The following CADPS variants were observed in gnomAD, a reference collection of about 807,000 sequenced individuals.
CADPS encodes calcium dependent secretion activator, also known as calcium-dependent secretion activator 1.
Under a neutral mutation model 167.3 loss-of-function variants are expected in CADPS, and 57 were observed. The ratio of observed to expected loss-of-function variants is 0.34; its 90% CI spans 0.28 to 0.42. The LOEUF (loss-of-function observed/expected upper bound fraction) is 0.42. Ranked by LOEUF, CADPS falls within the 20% of genes least tolerant of loss-of-function variation. CADPS has a pLI of 1.00. For synonymous variants in CADPS, 676 were observed against 635.3 expected, an observed-to-expected ratio of 1.06 and a Z score of -0.96; for missense variants, 1,414 against 1,738.1, an observed-to-expected ratio of 0.81 and a Z score of 3.32.
intron 3 of CADPS, among the ~76,000 whole-genome samples, chr3:62,665,282 T>G (rs537856799): frequency 5.9e-4 from 90 of 152,336 alleles, no homozygotes; most frequent in African/African-American, 2.1e-3. Flanking sequence ...TGTTTTTAAC[T>G]GCATTTAACC....
At chr3:62,862,776 A>G (rs553618704) in intron 1 of CADPS, among the ~76,000 whole-genome samples, 1 of 152,350 alleles carries the variant, frequency 6.6e-6, no homozygotes, top group Non-Finnish European at 1.5e-5. Flanking sequence ...TAAAAAGTCT[A>G]AAATGGCCCA....
rs2074021798 is a variant in CADPS at position 62,532,974 on chromosome 3, A to G, written c.2188T>C (p.Tyr730His). ...GVRGCHRHLCYLRDLLERAEN... is the reference protein window; with the variant it reads ...GVRGCHRHLCHLRDLLERAEN... The stretch of plus-strand genomic sequence containing the variant: ...GCCCGTTCAAGCAAGTCTCTGAGGT[A>G]GCAGAGATGTCGGTGACACCCCCGG... Residue 730 changes from tyrosine to histidine, a missense_variant, in exon 13 of 30, where the codon TAC becomes CAC. This residue lies in a region of CADPS where 529 missense variants were observed against 629.6 expected (regional missense o/e 0.84). Coordinates refer to ENST00000383710, the MANE Select transcript of CADPS (RefSeq NM_003716.4). 1.2e-6 allele frequency: 2 copies of G among 1,613,602 alleles called. No homozygotes were observed.
intron 1 of CADPS, among the ~76,000 whole-genome samples, chr3:62,802,649 T>C (rs2093841291): frequency 6.6e-6 from 1 of 152,204 alleles, no homozygotes; most frequent in Admixed American, 6.6e-5. Context: ...GCTCAAAATC[T>C]ACCTTTAAAA....
At chr3:62,590,497 C>G (rs942115362) in intron 7 of CADPS, among the ~76,000 whole-genome samples, 2 of 152,178 alleles carry the variant, frequency 1.3e-5, no homozygotes, top group African/African-American at 2.4e-5. Context: ...CCTTTCCTCC[C>G]ACTTTTCTGG....
Position 62,850,209 on chromosome 3 carries a change from C to T in CADPS, c.441+24380G>A, listed in dbSNP as rs1311314351. 9.6e-5 allele frequency among the ~76,000 whole-genome samples: 13 copies of T among 135,620 alleles called. 1 individual carries two copies. The South Asian group carries it at 3.5e-3, about 36-fold the overall frequency. 89.0% of individuals were successfully genotyped at this position (135,620 alleles called of 152,430 possible). A position where few individuals can be genotyped will look rare whatever the true frequency, so the allele number is the denominator to read the frequency against. On this transcript the variant is annotated intron_variant, in intron 1 of 29. Transcript: ENST00000383710. ...CTAGCGGTCTATCAATTTTGTTGAT[C>T]CTTTCAAAAAACCAGCTCCTGGATT...
chr3:62,824,365 T>G (rs1372646578), intron 1 of CADPS, among the ~76,000 whole-genome samples: 1 of 152,130 alleles, frequency 6.6e-6, no homozygotes, highest in Non-Finnish European at 1.5e-5. Flanking sequence ...AATAGCACCT[T>G]GAATCTGGAA....
At chr3:62,599,169 C>G (rs914591666) in intron 6 of CADPS, among the ~76,000 whole-genome samples, 2 of 151,884 alleles carry the variant, frequency 1.3e-5, no homozygotes, top group Non-Finnish European at 2.9e-5. Flanking sequence ...ATATTTATTG[C>G]AAGCAGAAGT....
chr3:62,763,159 C>T (rs1195931315), intron 2 of CADPS, among the ~76,000 whole-genome samples: 1 of 152,182 alleles, frequency 6.6e-6, no homozygotes, highest in African/African-American at 2.4e-5. Context: ...CTTAACCCCC[C>T]AGTCTATTTC....
chr3:62,735,115 C>T (rs2078726827), intron 3 of CADPS, among the ~76,000 whole-genome samples: 1 of 151,914 alleles, frequency 6.6e-6, no homozygotes, highest in South Asian at 2.1e-4. Flanking sequence ...CAAAAAAATA[C>T]TTATTTCATT....
At chr3:62,702,458 G>A (rs1295125763) in intron 3 of CADPS, among the ~76,000 whole-genome samples, 1 of 152,104 alleles carries the variant, frequency 6.6e-6, no homozygotes, top group African/African-American at 2.4e-5. Flanking sequence ...GGGTGCCACA[G>A]AGGAGGAGAG....
At chr3:62,414,957 C>G (rs1461327958) in intron 28 of CADPS, among the ~76,000 whole-genome samples, 1 of 152,100 alleles carries the variant, frequency 6.6e-6, no homozygotes, top group Non-Finnish European at 1.5e-5. Flanking sequence ...GATATCCCAG[C>G]TCCAAGTCTG....
intron 28 of CADPS, among the ~76,000 whole-genome samples, chr3:62,432,052 C>T (rs1334347081): frequency 2.0e-5 from 3 of 151,772 alleles, no homozygotes; most frequent in Non-Finnish European, 4.4e-5. Flanking sequence ...TCTGCCCCCA[C>T]CCCCCAAAAC....
chr3:62,800,521 T>C (rs1576583934), intron 1 of CADPS, among the ~76,000 whole-genome samples: 1 of 152,170 alleles, frequency 6.6e-6, no homozygotes, highest in African/African-American at 2.4e-5. Context: ...ATATTTTAAA[T>C]GTGAGTTTAC....
intron 28 of CADPS, among the ~76,000 whole-genome samples, chr3:62,434,904 C>T (rs1417558696): frequency 6.6e-6 from 1 of 152,094 alleles, no homozygotes; most frequent in Non-Finnish European, 1.5e-5. Context: ...GTAAATAAAA[C>T]TGAGACTTGA....
At chr3:62,404,744 C>T (rs542449509) in intron 28 of CADPS, 2 of 151,996 alleles carry the variant, frequency 1.3e-5, no homozygotes, top group South Asian at 4.2e-4. Flanking sequence ...CCTTCTGTCC[C>T]TCCCCAGGGA....
intron 3 of CADPS, among the ~76,000 whole-genome samples, chr3:62,688,311 T>C (rs4125351): frequency 0.87 from 132,951 of 152,006 alleles, 58,304 homozygotes; most frequent in East Asian, 0.98. Context: ...ATATTCTCTA[T>C]TGAGAACCAT....
chr3:62,571,852 C>A (rs773544635), intron 8 of CADPS, among the ~76,000 whole-genome samples: 2 of 152,190 alleles, frequency 1.3e-5, no homozygotes, highest in Non-Finnish European at 2.9e-5. Flanking sequence ...GCGTGAGCCA[C>A]CGTGCCTGGC....
rs568340279 is a variant in CADPS at position 62,581,493 on chromosome 3, A to G, written c.1577+3692T>C. ...GGAGTTCGAGACCAGCCAAGACAAC[A>G]TAGTGAGATCCCACCTCTACAAATT... On this transcript the variant is annotated intron_variant, in intron 8 of 29. Coordinates refer to ENST00000383710, the MANE Select transcript of CADPS (RefSeq NM_003716.4). 2.0e-3 allele frequency among the ~76,000 whole-genome samples: 309 copies of G among 151,716 alleles called. 1 individual carries two copies. Among genetic ancestry groups the G allele is most frequent in the African/African-American group, 7.2e-3 (296 of 41,348 alleles).
chr3:62,588,428 C>T (rs555073898), intron 7 of CADPS, among the ~76,000 whole-genome samples: 105 of 151,690 alleles, frequency 6.9e-4, no homozygotes, highest in African/African-American at 2.4e-3. Flanking sequence ...GCTCTGTGCA[C>T]AGGACAAATG....
Sources: allele counts gnomAD v4.1 joint callset (sites outside exome capture counted in the v4.1 genomes callset), GRCh38; gene constraint gnomAD v4.1.1; regional missense constraint gnomAD v4.1.1; transcripts MANE v1.5; gene names NCBI Gene and HGNC (gene_info 2026-07-23, HGNC 2026-07-21).